Variants in TBC1D22A observed in about 807,000 individuals in gnomAD.
The protein encoded by TBC1D22A is TBC1 domain family member 22A, also known as putative GTPase activator.
Under a neutral mutation model 60.2 loss-of-function variants are expected in TBC1D22A, and 38 were observed. The ratio of observed to expected loss-of-function variants is 0.63; its 90% CI spans 0.49 to 0.83. The LOEUF is 0.83. TBC1D22A is among the 40% of genes least tolerant of loss of function. TBC1D22A has a pLI of 0.00. For missense variants in TBC1D22A, 628 were observed against 701.0 expected, an observed-to-expected ratio of 0.90 and a Z score of 1.18; for synonymous variants, 302 against 281.7, an observed-to-expected ratio of 1.07 and a Z score of -0.72.
In TBC1D22A at chr22:47,004,741, C is replaced by A. The variant is rs1268873628; in HGVS notation, c.1201+7032C>A. 8.2e-5 allele frequency among the ~76,000 whole-genome samples: 12 copies of A among 146,264 alleles called. No individual in the cohort carries two copies. The East Asian group carries it at 2.3e-3, about 28-fold the overall frequency. On this transcript the variant is annotated intron_variant, in intron 10 of 12. Transcript: ENST00000337137. ...CACACCTGCCATATACACATACACA[C>A]ACCTACATACACATCTCTATATACA...
At chr22:46,929,025 A>T (rs2071203912) in intron 8 of TBC1D22A, among the ~76,000 whole-genome samples, 1 of 152,228 alleles carries the variant, frequency 6.6e-6, no homozygotes, top group African/African-American at 2.4e-5. Context: ...GTAAAATTAG[A>T]TTGTAGTGGT....
At chr22:47,056,386 G>A (rs556103870) in intron 11 of TBC1D22A, among the ~76,000 whole-genome samples, 2 of 152,212 alleles carry the variant, frequency 1.3e-5, no homozygotes, top group African/African-American at 4.8e-5. Context: ...GTGAGCTGAC[G>A]GTTGATTTGA....
intron 11 of TBC1D22A, among the ~76,000 whole-genome samples, chr22:47,047,025 T>TTA (rs1340671974): frequency 6.6e-6 from 1 of 152,246 alleles, no homozygotes; most frequent in Non-Finnish European, 1.5e-5. Context: ...CAGTGTGACC[T>TTA]TAAGCAACTT....
At chr22:47,157,593 C>T (rs1279577852) in intron 12 of TBC1D22A, among the ~76,000 whole-genome samples, 2 of 152,230 alleles carry the variant, frequency 1.3e-5, no homozygotes, top group South Asian at 2.1e-4. Flanking sequence ...CCCACACGTG[C>T]GTCCCATGGC....
chr22:47,084,116 T>TA (rs918649557), intron 11 of TBC1D22A, among the ~76,000 whole-genome samples: 5 of 152,366 alleles, frequency 3.3e-5, no homozygotes, highest in Admixed American at 2.6e-4. Context: ...ACTTAAGTCA[T>TA]ACGCAGTCAG....
At chr22:46,948,089 C>T (rs992145474) in intron 8 of TBC1D22A, among the ~76,000 whole-genome samples, 1 of 152,020 alleles carries the variant, frequency 6.6e-6, no homozygotes, top group Admixed American at 6.6e-5. Flanking sequence ...GCGGCAAGGA[C>T]GGAGGGCTGG....
intron 12 of TBC1D22A, among the ~76,000 whole-genome samples, chr22:47,137,865 G>A (rs1191120117): frequency 6.6e-6 from 1 of 152,148 alleles, no homozygotes; most frequent in Non-Finnish European, 1.5e-5. Flanking sequence ...GCCGGGAGTG[G>A]GGAGTGGGAA....
chr22:47,016,290 C>T (rs567229136), intron 10 of TBC1D22A, among the ~76,000 whole-genome samples: 1 of 152,266 alleles, frequency 6.6e-6, no homozygotes, highest in East Asian at 1.9e-4. Flanking sequence ...GCAGGGTAGC[C>T]CAGACCCTGC....
chr22:47,022,109 C>G (rs1424763990), intron 10 of TBC1D22A, among the ~76,000 whole-genome samples: 2 of 152,202 alleles, frequency 1.3e-5, no homozygotes, highest in Non-Finnish European at 2.9e-5. Flanking sequence ...AAATGAGCAC[C>G]AAATGTTGGA....
At chr22:47,098,175 C>G (rs1014318241) in intron 11 of TBC1D22A, among the ~76,000 whole-genome samples, 1 of 152,280 alleles carries the variant, frequency 6.6e-6, no homozygotes, top group African/African-American at 2.4e-5. Context: ...TGGGCTCTTC[C>G]GTGAAATGTT....
chr22:47,131,720 G>C (rs150340283), intron 12 of TBC1D22A, among the ~76,000 whole-genome samples: 1 of 152,224 alleles, frequency 6.6e-6, no homozygotes, highest in Non-Finnish European at 1.5e-5. Context: ...GCAGTGACAG[G>C]CCCCTTCTCA....
At chr22:47,012,989 T>C (rs2061798104) in intron 10 of TBC1D22A, among the ~76,000 whole-genome samples, 1 of 152,222 alleles carries the variant, frequency 6.6e-6, no homozygotes, top group Non-Finnish European at 1.5e-5. Flanking sequence ...AAAGCCATCG[T>C]GCTCCAGTTA....
chr22:47,039,150 T>C (rs1229637970), intron 11 of TBC1D22A, among the ~76,000 whole-genome samples: 1 of 152,224 alleles, frequency 6.6e-6, no homozygotes, highest in East Asian at 1.9e-4. Flanking sequence ...TTAAAACTCC[T>C]AATAGGTATT....
chr22:47,051,064 C>T (rs1037232170), intron 11 of TBC1D22A, among the ~76,000 whole-genome samples: 2 of 152,132 alleles, frequency 1.3e-5, no homozygotes, highest in African/African-American at 4.8e-5. Context: ...AGGGGGCTTC[C>T]GTGGGTTCTG....
intron 8 of TBC1D22A, among the ~76,000 whole-genome samples, chr22:46,924,772 A>G (rs1259706325): frequency 6.6e-6 from 1 of 152,002 alleles, no homozygotes; most frequent in Non-Finnish European, 1.5e-5. Context: ...CAAAAACATT[A>G]TATTCCTGTT....
At chr22:46,835,923 G>A (rs754257720) in intron 4 of TBC1D22A, among the ~76,000 whole-genome samples, 11 of 152,072 alleles carry the variant, frequency 7.2e-5, no homozygotes, top group Admixed American at 1.3e-4. Context: ...GAGTGAATGG[G>A]CTGATATATT....
intron 1 of TBC1D22A, among the ~76,000 whole-genome samples, chr22:46,772,512 A>G (rs1410988401): frequency 9.6e-5 from 2 of 20,842 alleles, no homozygotes; most frequent in Non-Finnish European, 1.8e-4. Flanking sequence ...ACACATATAC[A>G]TATATATGTA....
chr22:46,774,292 G>T, intron 1 of TBC1D22A: 1 of 982,480 alleles, frequency 1.0e-6, no homozygotes, highest in Non-Finnish European at 1.2e-6. Context: ...AGAGGCAGAG[G>T]TATCAGGAGG....
intron 11 of TBC1D22A, among the ~76,000 whole-genome samples, chr22:47,076,602 C>T (rs898725336): frequency 6.6e-6 from 1 of 151,882 alleles, no homozygotes. Context: ...GCCAGGGAAA[C>T]TATGTGAGGA....
Sources: gnomAD v4.1 joint callset for allele counts (sites outside exome capture counted in the v4.1 genomes callset) on GRCh38, gnomAD v4.1.1 for gene constraint, MANE v1.5 for transcripts, NCBI Gene and HGNC (gene_info 2026-07-23, HGNC 2026-07-21) for gene names.